Variants in LRRC20 observed in about 807,000 individuals in gnomAD.
LRRC20 encodes leucine rich repeat containing 20.
A neutral mutation model predicts 14.4 loss-of-function variants in LRRC20; 11 were observed. The ratio of observed to expected loss-of-function variants is 0.77; its 90% CI spans 0.48 to 1.27. The LOEUF (loss-of-function observed/expected upper bound fraction) is 1.27, where lower values mean the gene tolerates loss of function less well. Among genes scored for constraint, LRRC20 ranks in the 50% most tolerant of loss-of-function variants. LRRC20 has a pLI of 0.00. For missense variants in LRRC20, 219 were observed against 251.2 expected (o/e 0.87, Z 0.87); for synonymous variants, 121 against 107.3 (o/e 1.13, Z -0.79).
chr10:70,368,822 C>T (rs558751803), intron 2 of LRRC20, among the ~76,000 whole-genome samples: 1 of 152,160 alleles, frequency 6.6e-6, no homozygotes, highest in African/African-American at 2.4e-5. Context: ...GGGGTTTCAC[C>T]GTGTTGCCCA....
intron 2 of LRRC20, among the ~76,000 whole-genome samples, chr10:70,352,227 C>CT (rs34835020): frequency 1.4e-4 from 21 of 150,326 alleles, no homozygotes; most frequent in African/African-American, 3.7e-4. Context: ...TACGTTTAAG[C>CT]TTTTTTTTTT....
chr10:70,314,701 G>C (rs772081446), intron 4 of LRRC20, among the ~76,000 whole-genome samples: 4 of 152,120 alleles, frequency 2.6e-5, no homozygotes, highest in African/African-American at 7.2e-5. Context: ...TCTCGGTGAA[G>C]ATTAATGAGA....
rs1333433524 is a variant in LRRC20, at chr10:70,300,642, C to A, written c.*712G>T. ...GGAGCACTCAGGACTTCCCACCCCGCCAATTTGTTAACTGTGGGGAATGAC... is the reference window on the plus strand; with the variant it reads ...GGAGCACTCAGGACTTCCCACCCCGACAATTTGTTAACTGTGGGGAATGAC... On this transcript the variant is annotated 3_prime_UTR_variant, in exon 5 of 5. Coordinates refer to ENST00000446961, the MANE Select transcript of LRRC20 (RefSeq NM_001278212.2). The A allele has an allele frequency of 4.1e-6, 4 of 985,466 alleles. No individual in the cohort carries two copies. Among genetic ancestry groups the A allele is most frequent in the Non-Finnish European group, 4.8e-6 (4 of 830,054 alleles). The allele number at this position is 985,466 out of a possible 1,614,324, so 61.0% of individuals were successfully genotyped here.
Position 70,376,352 on chromosome 10 carries a change from G to C in LRRC20, c.82+100C>G, listed in dbSNP as rs898946656. 2.3e-5 allele frequency: 26 copies of C among 1,149,190 alleles called. No homozygotes were observed. The Admixed American group carries it at 3.6e-4, about 16-fold the overall frequency. The allele number at this position is 1,149,190 out of a possible 1,614,324, so 71.2% of individuals were successfully genotyped here. A position where few individuals can be genotyped will look rare whatever the true frequency, so the allele number is the denominator to read the frequency against. The stretch of plus-strand genomic sequence containing the variant: ...CACAAAACACTTATTCTCAGGATGA[G>C]GTTGCACACTGACGCTTGTGTCTTT... On this transcript the variant is annotated intron_variant, in intron 2 of 4. Coordinates refer to ENST00000446961, the MANE Select transcript of LRRC20 (RefSeq NM_001278212.2).
In LRRC20 at chr10:70,299,549, CGCTGCT is replaced by C. The variant is rs1315513777; in HGVS notation, c.*1799_*1804del. The C allele has an allele frequency of 6.6e-6, 1 of 152,304 alleles. No individual in the cohort carries two copies. The highest frequency in any genetic ancestry group is 1.5e-5 in the Non-Finnish European group (1 of 68,140). The allele number at this position is 152,304 out of a possible 1,614,324, so 9.4% of individuals were successfully genotyped here. A position where few individuals can be genotyped will look rare whatever the true frequency, so the allele number is the denominator to read the frequency against. ...CTAACAAGCTCCCAGGTGTCACTGC[CGCTGCT>C]GGTCCACAGACCACACTTTGAGTTG... On this transcript the variant is annotated 3_prime_UTR_variant, in exon 5 of 5. Transcript: ENST00000446961.
chr10:70,315,658 C>T (rs1022226965), intron 4 of LRRC20, among the ~76,000 whole-genome samples: 4 of 152,144 alleles, frequency 2.6e-5, no homozygotes, highest in Non-Finnish European at 5.9e-5. Context: ...AGTTTGGAGA[C>T]GCCCCCCCAC....
chr10:70,375,879 G>T (rs1287941276), intron 2 of LRRC20, among the ~76,000 whole-genome samples: 1 of 152,126 alleles, frequency 6.6e-6, no homozygotes, highest in Non-Finnish European at 1.5e-5. Flanking sequence ...TTGCCTAAAT[G>T]CTTAGGAGTC....
At chr10:70,336,628 G>A (rs757529444) in intron 3 of LRRC20, among the ~76,000 whole-genome samples, 8 of 152,148 alleles carry the variant, frequency 5.3e-5, no homozygotes, top group Admixed American at 2.6e-4. Flanking sequence ...GAACTCCCCC[G>A]TGCCAACAAT....
intron 2 of LRRC20, among the ~76,000 whole-genome samples, chr10:70,369,605 CAAAAAAAAAAAAA>C (rs71009298): frequency 2.9e-5 from 2 of 68,564 alleles, no homozygotes; most frequent in Non-Finnish European, 5.1e-5. Context: ...GACGCTGTCT[CAAAAAAAAAAAAA>C]AAAAAAAAAA....
intron 3 of LRRC20, among the ~76,000 whole-genome samples, chr10:70,337,877 T>G (rs1321587732): frequency 1.3e-5 from 2 of 152,050 alleles, no homozygotes; most frequent in Non-Finnish European, 2.9e-5. Context: ...CAAGGGAAGG[T>G]CTAATGAAGT....
chr10:70,372,362 C>T (rs1399076882), intron 2 of LRRC20, among the ~76,000 whole-genome samples: 2 of 151,966 alleles, frequency 1.3e-5, no homozygotes, highest in African/African-American at 2.4e-5. Context: ...TAACATAATT[C>T]GTACCTTACC....
intron 3 of LRRC20, among the ~76,000 whole-genome samples, chr10:70,326,589 C>T (rs1340778501): frequency 6.6e-6 from 1 of 152,174 alleles, no homozygotes; most frequent in South Asian, 2.1e-4. Flanking sequence ...GTCCAGTGCT[C>T]GCTTCACGCA....
intron 2 of LRRC20, among the ~76,000 whole-genome samples, chr10:70,369,797 T>C (rs1844192815): frequency 6.6e-6 from 1 of 151,824 alleles, no homozygotes; most frequent in East Asian, 1.9e-4. Flanking sequence ...TAAGGGCAAG[T>C]CCAAAAGATC....
chr10:70,300,252 G>T lies in LRRC20; in HGVS notation c.*1102C>A. ...GAGCCCCAGGCCCTCTCCTGGTAGG[G>T]GACCAACCATCCCCACTTGCTGGGT... On this transcript the variant is annotated 3_prime_UTR_variant, in exon 5 of 5. Transcript: ENST00000446961. 7 of 643,766 alleles carry T rather than the reference G, an allele frequency of 1.1e-5. No individual in the cohort carries two copies. The highest frequency in any genetic ancestry group is 1.4e-5 in the Non-Finnish European group (7 of 517,994). 39.9% of individuals were successfully genotyped at this position (643,766 alleles called of 1,614,324 possible).
chr10:70,335,469 G>A (rs1239466960), intron 3 of LRRC20, among the ~76,000 whole-genome samples: 7 of 152,204 alleles, frequency 4.6e-5, no homozygotes, highest in African/African-American at 1.2e-4. Flanking sequence ...AGCCAGCTCC[G>A]GCTGCCCTGG....
intron 1 of LRRC20, 118 bp downstream of exon 1, chr10:70,382,431 T>A (rs1166863241): frequency 2.0e-5 from 3 of 152,116 alleles, no homozygotes; most frequent in Non-Finnish European, 2.9e-5. Flanking sequence ...GCTGCAAAAA[T>A]CGGAACACTT....
chr10:70,346,176 C>A (rs1843066555), intron 2 of LRRC20, among the ~76,000 whole-genome samples: 1 of 152,086 alleles, frequency 6.6e-6, no homozygotes, highest in Non-Finnish European at 1.5e-5. Flanking sequence ...CTGCCTGAAC[C>A]CGGGAGGCCA....
intron 2 of LRRC20, among the ~76,000 whole-genome samples, chr10:70,349,450 T>A (rs1406943461): frequency 1.3e-5 from 2 of 152,116 alleles, no homozygotes; most frequent in Non-Finnish European, 2.9e-5. Flanking sequence ...TGGTGGTGCG[T>A]GCCTGTAATC....
intron 4 of LRRC20, among the ~76,000 whole-genome samples, chr10:70,304,470 T>TTATATAGATA (rs1554835659): frequency 7.0e-5 from 8 of 113,826 alleles, no homozygotes; most frequent in African/African-American, 2.4e-4. Flanking sequence ...GGCCACTTCT[T>TTATATAGATA]TATATATATA....
Sources: allele counts gnomAD v4.1 joint callset (sites outside exome capture counted in the v4.1 genomes callset), GRCh38; gene constraint gnomAD v4.1.1; transcripts MANE v1.5; gene names NCBI Gene and HGNC (gene_info 2026-07-23, HGNC 2026-07-21).